HIVEP2: variants seen among roughly 807,000 people sequenced by gnomAD.
The protein encoded by HIVEP2 is transcription factor HIVEP2.
A neutral mutation model predicts 180.7 loss-of-function variants in HIVEP2; 14 were observed. That is an observed-to-expected ratio of 0.08 (90% CI 0.05 to 0.12). The LOEUF (loss-of-function observed/expected upper bound fraction) is 0.12, where lower values mean the gene tolerates loss of function less well. Among genes scored for constraint, HIVEP2 ranks in the 10% least tolerant of loss-of-function variants. HIVEP2 has a pLI of 1.00. For synonymous variants in HIVEP2, 1,184 were observed against 1,136.4 expected (o/e 1.04, Z -0.84); for missense variants, 2,579 against 3,008.5 (o/e 0.86, Z 3.34).
At chr6:142,758,790 A>T (rs565416710) in intron 9 of HIVEP2, among the ~76,000 whole-genome samples, 1 of 152,222 alleles carries the variant, frequency 6.6e-6, no homozygotes, top group South Asian at 2.1e-4. Flanking sequence ...TATCATAGAA[A>T]TCTCTGCACA....
chr6:142,832,456 C>G (rs568521446), intron 2 of HIVEP2, among the ~76,000 whole-genome samples: 1 of 151,876 alleles, frequency 6.6e-6, no homozygotes, highest in Non-Finnish European at 1.5e-5. Context: ...AGGGGTGATG[C>G]GGGCAAAGGA....
chr6:142,846,539 T>A (rs114846515), intron 1 of HIVEP2, among the ~76,000 whole-genome samples: 7 of 152,152 alleles, frequency 4.6e-5, no homozygotes, highest in Non-Finnish European at 5.9e-5. Flanking sequence ...TTCTGTTTAA[T>A]TAGAGTAGCA....
chr6:142,780,990 C>T (rs962855721), intron 3 of HIVEP2, among the ~76,000 whole-genome samples: 1 of 152,120 alleles, frequency 6.6e-6, no homozygotes, highest in East Asian at 1.9e-4. Flanking sequence ...AGGAAATCTA[C>T]ATTAAATGAA....
In HIVEP2 at chr6:142,770,474, G is replaced by C; in HGVS notation, c.4265C>G (p.Pro1422Arg). 1 of 1,614,186 alleles carries C rather than the reference G, an allele frequency of 6.2e-7. No homozygotes were observed. Among genetic ancestry groups the C allele is most frequent in the African/African-American group, 1.3e-5 (1 of 75,040 alleles). ...GTCAGAGGTGGAAGGTAAACACAAG[G>C]GGATGGAGGATTCTAAGCCGAGGGG... is the stretch of plus-strand genomic sequence containing the variant. Reference protein sequence around the residue: ...TLPLGLESSIPLCLPSTSDSV... With the variant: ...TLPLGLESSIRLCLPSTSDSV... Residue 1422 changes from proline to arginine, a missense_variant, in exon 5 of 10, where the codon CCC becomes CGC. By Grantham distance (103) the Pro-to-Arg change is moderately radical. Coordinates refer to ENST00000367603, the MANE Select transcript of HIVEP2 (RefSeq NM_006734.4). The surrounding 1 kb of genome is among the most constrained non-coding windows in gnomAD (Gnocchi z 4.7).
intron 9 of HIVEP2, among the ~76,000 whole-genome samples, chr6:142,755,826 T>C (rs1369468530): frequency 6.6e-6 from 1 of 152,238 alleles, no homozygotes; most frequent in East Asian, 1.9e-4. Context: ...GTAGAATTTC[T>C]ACCATGTGGC....
chr6:142,900,490 C>T (rs1241690165), intron 1 of HIVEP2, among the ~76,000 whole-genome samples: 3 of 152,300 alleles, frequency 2.0e-5, no homozygotes, highest in South Asian at 2.1e-4. Flanking sequence ...AAGCTGACTA[C>T]GGCTCTTGCC....
chr6:142,787,717 A>T (rs1051550623), intron 2 of HIVEP2, among the ~76,000 whole-genome samples: 1 of 152,180 alleles, frequency 6.6e-6, no homozygotes, highest in Non-Finnish European at 1.5e-5. Flanking sequence ...TGACAGGATG[A>T]TGACTATAAG....
At chr6:142,936,649 T>TG (rs1291210463) in intron 1 of HIVEP2, among the ~76,000 whole-genome samples, 1 of 152,098 alleles carries the variant, frequency 6.6e-6, no homozygotes, top group African/African-American at 2.4e-5. Context: ...ATAAAATAAA[T>TG]GGGGTATTTC....
chr6:142,771,842 C>G lies in HIVEP2; in HGVS notation c.2897G>C (p.Ser966Thr). 3.1e-6 allele frequency: 5 copies of G among 1,614,202 alleles called. No individual in the cohort carries two copies. The highest frequency in any genetic ancestry group is 4.2e-6 in the Non-Finnish European group (5 of 1,180,040). The change falls in exon 5 of 10, where the codon AGC becomes ACC. Residue 966 changes from serine to threonine, a missense_variant. Around this residue, in one of 11 missense-constraint regions of HIVEP2, gnomAD observed 523 missense variants for 577.0 expected, o/e 0.91. Transcript: ENST00000367603. This position sits in a 1 kb window ranked among gnomAD's most constrained non-coding sequence, Gnocchi z 5.4. Reference protein sequence around the residue: ...FESTGTGLSRSPSQESNLSHS... With the variant: ...FESTGTGLSRTPSQESNLSHS... ...GGACAAGTTGCTTTCTTGGCTGGGG[C>G]TGCGGGAGAGGCCTGTGCCTGTGGA...
chr6:142,878,688 A>T (rs1325108886), intron 1 of HIVEP2, among the ~76,000 whole-genome samples: 1 of 152,124 alleles, frequency 6.6e-6, no homozygotes, highest in Non-Finnish European at 1.5e-5. Flanking sequence ...TCCCAATCTA[A>T]GGGAAAACCA....
At chr6:142,835,556 G>T (rs553649483) in intron 2 of HIVEP2, among the ~76,000 whole-genome samples, 11 of 152,218 alleles carry the variant, frequency 7.2e-5, no homozygotes, top group Non-Finnish European at 1.3e-4. Flanking sequence ...TTAAGGCTTT[G>T]CTTTTCACAC....
At chr6:142,831,883 C>G (rs1775093855) in intron 2 of HIVEP2, among the ~76,000 whole-genome samples, 1 of 151,974 alleles carries the variant, frequency 6.6e-6, no homozygotes, top group African/African-American at 2.4e-5. Context: ...TTTTCAGTCC[C>G]CAAAGTGAAT....
intron 1 of HIVEP2, among the ~76,000 whole-genome samples, chr6:142,933,320 T>C (rs1266857034): frequency 1.3e-5 from 2 of 152,246 alleles, no homozygotes; most frequent in Non-Finnish European, 2.9e-5. Context: ...AAATGAAATT[T>C]AAACCAAATT....
At chr6:142,846,322 G>C (rs1289977076) in intron 1 of HIVEP2, among the ~76,000 whole-genome samples, 2 of 152,020 alleles carry the variant, frequency 1.3e-5, no homozygotes, top group Non-Finnish European at 2.9e-5. Flanking sequence ...CAAATCTTCT[G>C]TCTGCAAAGG....
chr6:142,900,815 G>C (rs1271474712), intron 1 of HIVEP2, among the ~76,000 whole-genome samples: 2 of 152,106 alleles, frequency 1.3e-5, no homozygotes, highest in Non-Finnish European at 2.9e-5. Context: ...AAAAATGCGT[G>C]GGCAAGTCTT....
intron 1 of HIVEP2, among the ~76,000 whole-genome samples, chr6:142,860,321 A>ATATTACATATATATGTAATATATG (rs2114953575): frequency 6.6e-6 from 1 of 152,302 alleles, no homozygotes; most frequent in Non-Finnish European, 1.5e-5. Context: ...ATGTACATTC[A>ATATTACATATATATGTAATATATG]TACTATAAAG....
At chr6:142,754,128 G>A (rs56277887) in intron 9 of HIVEP2, among the ~76,000 whole-genome samples, 197 bp from the exon 10 acceptor site, 3,458 of 152,240 alleles carry the variant, frequency 0.023, 68 homozygotes, top group Non-Finnish European at 0.033. Context: ...CTTGAATAAA[G>A]GTGTCGGCCT....
Position 142,771,188 on chromosome 6 carries a change from G to A in HIVEP2, c.3551C>T (p.Pro1184Leu). The change falls in exon 5 of 10, where the codon CCT (proline) becomes CTT (leucine). Residue 1184 changes from proline (P) to leucine (L), a missense_variant. By Grantham distance (98) the Pro-to-Leu change is moderately conservative. Transcript: ENST00000367603. This position sits in a 1 kb window ranked among gnomAD's most constrained non-coding sequence, Gnocchi z 5.4. ...ATGTGGAAATAAGTGTGGCTGTTCA[G>A]GTAAGTGCTTGCTTGTCATATAGGA... ...PTSYMTSKHLPEQPHLFPHQE... is the reference protein window; with the variant it reads ...PTSYMTSKHLLEQPHLFPHQE... The A allele has an allele frequency of 6.2e-7, 1 of 1,614,244 alleles. No individual in the cohort carries two copies. Among genetic ancestry groups the A allele is most frequent in the South Asian group, 1.1e-5 (1 of 91,080 alleles).
intron 1 of HIVEP2, among the ~76,000 whole-genome samples, chr6:142,887,748 TC>T (rs1311684767): frequency 5.3e-5 from 8 of 152,208 alleles, no homozygotes; most frequent in Admixed American, 4.6e-4. Flanking sequence ...ATCTGTGAGA[TC>T]ATTTCCTGCA....
Sources: allele counts gnomAD v4.1 joint callset (sites outside exome capture counted in the v4.1 genomes callset), GRCh38; gene constraint gnomAD v4.1.1; regional missense constraint gnomAD v4.1.1; non-coding constraint Gnocchi (gnomAD v3.1); transcripts MANE v1.5; gene names NCBI Gene and HGNC (gene_info 2026-07-23, HGNC 2026-07-21).